CMKLR1: variants seen among roughly 807,000 people sequenced by gnomAD.
CMKLR1 encodes the protein chemerin-like receptor 1.
In CMKLR1, 6 loss-of-function variants were observed where a neutral mutation model predicts 8.2. The observed-to-expected ratio is 0.73, with a 90% CI of 0.40 to 1.44. The LOEUF is 1.44. Ranked by LOEUF, CMKLR1 falls within the 40% of genes most tolerant of loss-of-function variation. The pLI, the probability that CMKLR1 is intolerant of heterozygous loss-of-function variation, is 0.02. For synonymous variants in CMKLR1, 178 were observed against 181.2 expected, an observed-to-expected ratio of 0.98 and a Z score of 0.14; for missense variants, 429 against 478.0, an observed-to-expected ratio of 0.90 and a Z score of 0.96.
chr12:108,292,621 G>C lies in CMKLR1; in HGVS notation c.342C>G (p.Ile114Met). The C allele has an allele frequency of 6.2e-7, 1 of 1,614,190 alleles. No homozygotes were observed. The highest frequency in any genetic ancestry group is 8.5e-7 in the Non-Finnish European group (1 of 1,180,046). ...HWVFGTAMCK[I>M]SNFLLIHNMF... ...TGTTGTGGATGAGAAGGAAGTTGCT[G>C]ATCTTGCACATGGCTGTCCCGAAAA... The change falls in exon 4 of 4, where the codon ATC (isoleucine) becomes ATG (methionine). Residue 114 changes from isoleucine to methionine, a missense_variant. Ile to Met is a conservative substitution (Grantham distance 10). Transcript: ENST00000550402.
intron 1 of CMKLR1, among the ~76,000 whole-genome samples, chr12:108,336,209 C>G (rs1343241224): frequency 6.6e-6 from 1 of 152,166 alleles, no homozygotes; most frequent in Non-Finnish European, 1.5e-5. Flanking sequence ...GACACTGAAG[C>G]CTCATCCACA....
chr12:108,331,775 A>G (rs1326979332), intron 1 of CMKLR1, among the ~76,000 whole-genome samples: 1 of 151,990 alleles, frequency 6.6e-6, no homozygotes, highest in Non-Finnish European at 1.5e-5. Context: ...GGGGAAGGGG[A>G]CCATGAGTCA....
At chr12:108,298,366 C>A (rs1179288945) in intron 2 of CMKLR1, among the ~76,000 whole-genome samples, 1 of 152,150 alleles carries the variant, frequency 6.6e-6, no homozygotes, top group Non-Finnish European at 1.5e-5. Flanking sequence ...GCTATCACTC[C>A]CATTGTAAAG....
chr12:108,314,862 C>T (rs1891675422), intron 2 of CMKLR1, among the ~76,000 whole-genome samples: 1 of 151,454 alleles, frequency 6.6e-6, no homozygotes, highest in Non-Finnish European at 1.5e-5. Flanking sequence ...AAGTGCTGGG[C>T]TTACCATCAT....
rs944509972 is a variant in CMKLR1 at position 108,290,556 on chromosome 12, C to T, written c.*1285G>A. On this transcript the variant is annotated 3_prime_UTR_variant, in exon 4 of 4. Coordinates refer to ENST00000550402, the MANE Select transcript of CMKLR1 (RefSeq NM_001142343.2). ...GAGCCAGACGGAGCCAGGTTCAGAT[C>T]TTAACTCTGCCACTGATTAGCTGTG... 6.6e-6 allele frequency: 1 copy of T among 152,206 alleles called. No individual in the cohort carries two copies. Among genetic ancestry groups the T allele is most frequent in the Non-Finnish European group, 1.5e-5 (1 of 68,048 alleles). 9.4% of individuals were successfully genotyped at this position (152,206 alleles called of 1,614,324 possible).
In CMKLR1 at chr12:108,295,046, G is replaced by C. The variant is rs560954289; in HGVS notation, c.-73-1382C>G. Among the ~76,000 whole-genome samples, 35 of 152,334 alleles carry C rather than the reference G, an allele frequency of 2.3e-4. No homozygotes were observed. The East Asian group carries it at 5.0e-3, about 22-fold the overall frequency. On this transcript the variant is annotated intron_variant, in intron 2 of 3. Transcript: ENST00000550402. ...ACAATATTTCAGAAGTGCCCACCAAGGGGTCTCCAAGGGTTTTCTATGGCA... is the reference window on the plus strand; with the variant it reads ...ACAATATTTCAGAAGTGCCCACCAACGGGTCTCCAAGGGTTTTCTATGGCA...
intron 2 of CMKLR1, among the ~76,000 whole-genome samples, chr12:108,328,356 A>G (rs1892031527): frequency 6.6e-6 from 1 of 152,144 alleles, no homozygotes; most frequent in African/African-American, 2.4e-5. Flanking sequence ...CCCTGACACC[A>G]AGGCCACGCT....
chr12:108,292,425 T>A lies in CMKLR1; in HGVS notation c.538A>T (p.Thr180Ser), dbSNP rs553674701. 6.2e-7 allele frequency: 1 copy of A among 1,614,168 alleles called. No homozygotes were observed. The highest frequency in any genetic ancestry group is 8.5e-7 in the Non-Finnish European group (1 of 1,180,032). ...LSSPSLVFRD[T>S]ANLHGKISCF... ...GATATTTTCCCATGCAGGTTGGCTG[T>A]GTCCCGGAAGACGAGAGATGGGGAA... The change falls in exon 4 of 4, where the codon ACA becomes TCA. Residue 180 changes from threonine (T) to serine (S), a missense_variant. Thr to Ser is a moderately conservative substitution (Grantham distance 58). Transcript: ENST00000550402.
chr12:108,300,733 G>A (rs1389901350), intron 2 of CMKLR1, among the ~76,000 whole-genome samples: 6 of 152,116 alleles, frequency 3.9e-5, no homozygotes, highest in African/African-American at 1.4e-4. Context: ...ATAATCCAAG[G>A]ACCCACCTCC....
chr12:108,291,825 G>T lies in CMKLR1; in HGVS notation c.*16C>A. 1 of 1,599,676 alleles carries T rather than the reference G, an allele frequency of 6.3e-7. No homozygotes were observed. Among genetic ancestry groups the T allele is most frequent in the Middle Eastern group, 1.7e-4 (1 of 5,756 alleles). ...CCTGGGTTGAGAGAGTCCATTGAGG[G>T]GTTCCACAGTGAGGATCAAAGCATG... On this transcript the variant is annotated 3_prime_UTR_variant, in exon 4 of 4. Transcript: ENST00000550402.
intron 1 of CMKLR1, among the ~76,000 whole-genome samples, 170 bp from the exon 2 acceptor site, chr12:108,330,377 A>G (rs1183235751): frequency 1.3e-5 from 2 of 152,250 alleles, no homozygotes; most frequent in African/African-American, 4.8e-5. Flanking sequence ...GCTAAGTTGC[A>G]TAATTATAAA....
chr12:108,338,796 C>G (rs778587666), intron 1 of CMKLR1, among the ~76,000 whole-genome samples: 5 of 152,184 alleles, frequency 3.3e-5, no homozygotes, highest in Non-Finnish European at 7.3e-5. Flanking sequence ...TGTGGTTAAG[C>G]AGGTTACCAA....
chr12:108,338,288 C>A (rs1288166641), intron 1 of CMKLR1, among the ~76,000 whole-genome samples: 1 of 151,952 alleles, frequency 6.6e-6, no homozygotes, highest in South Asian at 2.1e-4. Context: ...TAAACATGCC[C>A]CCAGAGGAGA....
chr12:108,328,288 T>C (rs1456783073), intron 2 of CMKLR1, among the ~76,000 whole-genome samples: 1 of 152,192 alleles, frequency 6.6e-6, no homozygotes, highest in Non-Finnish European at 1.5e-5. Flanking sequence ...CGGCATTTCT[T>C]AGCCTCTCAT....
At chr12:108,331,267 TG>T (rs1892099824) in intron 1 of CMKLR1, among the ~76,000 whole-genome samples, 1 of 152,306 alleles carries the variant, frequency 6.6e-6, no homozygotes, top group Admixed American at 6.5e-5. Flanking sequence ...ATTTCACAGA[TG>T]GGAGAACCCC....
chr12:108,293,535 A>C, intron 3 of CMKLR1, 54 bp downstream of exon 3: 1 of 1,548,434 alleles, frequency 6.5e-7, no homozygotes, highest in Non-Finnish European at 8.7e-7. Flanking sequence ...TGTGCACCCA[A>C]TCTGTCAGTG....
chr12:108,314,364 G>A (rs1891664186), intron 2 of CMKLR1, among the ~76,000 whole-genome samples: 1 of 152,104 alleles, frequency 6.6e-6, no homozygotes, highest in Non-Finnish European at 1.5e-5. Context: ...ACCCACTCAG[G>A]GGAATAGTAA....
At chr12:108,329,227 C>T (rs975911901) in intron 2 of CMKLR1, among the ~76,000 whole-genome samples, 5 of 152,284 alleles carry the variant, frequency 3.3e-5, no homozygotes, top group African/African-American at 1.2e-4. Context: ...CATTGGACCA[C>T]CTGGAAAATT....
chr12:108,301,955 A>G (rs1891286811), intron 2 of CMKLR1, among the ~76,000 whole-genome samples: 1 of 152,168 alleles, frequency 6.6e-6, no homozygotes, highest in African/African-American at 2.4e-5. Flanking sequence ...ACACATCAGA[A>G]TGCACACACA....
Sources: gnomAD v4.1 joint callset for allele counts (sites outside exome capture counted in the v4.1 genomes callset) on GRCh38, gnomAD v4.1.1 for gene constraint, MANE v1.5 for transcripts, NCBI Gene and HGNC (gene_info 2026-07-23, HGNC 2026-07-21) for gene names.